Variants in IKZF3 observed in about 807,000 individuals in gnomAD.
IKZF3 encodes zinc finger protein Aiolos.
In IKZF3, 10 loss-of-function variants were observed where a neutral mutation model predicts 49.0. That is an observed-to-expected ratio of 0.20 (90% confidence interval 0.13 to 0.35). The LOEUF (loss-of-function observed/expected upper bound fraction) is 0.35. IKZF3 is among the 10% of genes least tolerant of loss of function. The probability of loss-of-function intolerance (pLI) is 1.00; values close to 1 mark genes in which losing one functional copy is unlikely to be tolerated. For synonymous variants in IKZF3, 209 were observed against 228.2 expected (o/e 0.92, Z 0.76); for missense variants, 498 against 664.8 (o/e 0.75, Z 2.76).
intron 6 of IKZF3, among the ~76,000 whole-genome samples, chr17:39,779,601 T>G (rs1448336974): frequency 6.6e-6 from 1 of 152,086 alleles, no homozygotes; most frequent in Non-Finnish European, 1.5e-5. Flanking sequence ...GACAGTAAAT[T>G]TTAAAAATTT....
chr17:39,804,319 G>A (rs1006685980), intron 3 of IKZF3, among the ~76,000 whole-genome samples: 1 of 151,878 alleles, frequency 6.6e-6, no homozygotes, highest in Non-Finnish European at 1.5e-5. Flanking sequence ...ATAGTGGCAC[G>A]CGCCTGTAAT....
intron 1 of IKZF3, among the ~76,000 whole-genome samples, chr17:39,834,727 G>A (rs1015391144): frequency 6.6e-6 from 1 of 152,076 alleles, no homozygotes; most frequent in Non-Finnish European, 1.5e-5. Context: ...GTTTTGCTTT[G>A]CAGATCTGGC....
Position 39,792,681 on chromosome 17 carries a change from C to G in IKZF3, c.416G>C (p.Ser139Thr). Reference protein sequence around the residue: ...SFNVLMVHKRSHTGERPFQCN... With the variant: ...SFNVLMVHKRTHTGERPFQCN... ...AAAAGCAGACTATTTACCAGTATGG[C>G]TTCGCTTATGAACCATTAAGACATT... Residue 139 changes from serine (S) to threonine (T), a missense_variant, in exon 4 of 8, where the codon AGC becomes ACC. Around this residue, in one of 3 missense-constraint regions of IKZF3, gnomAD observed 84 missense variants for 168.6 expected, o/e 0.50. Coordinates refer to ENST00000346872, the MANE Select transcript of IKZF3 (RefSeq NM_012481.5). The G allele has an allele frequency of 1.9e-6, 3 of 1,613,692 alleles. No individual in the cohort carries two copies. The highest frequency in any genetic ancestry group is 2.5e-6 in the Non-Finnish European group (3 of 1,179,730).
chr17:39,774,870 A>G (rs925243646), intron 7 of IKZF3, among the ~76,000 whole-genome samples: 3 of 152,268 alleles, frequency 2.0e-5, no homozygotes, highest in East Asian at 1.9e-4. Context: ...AACCTAGGAT[A>G]TGGTTTATAG....
At chr17:39,817,929 A>G (rs577846151) in intron 3 of IKZF3, among the ~76,000 whole-genome samples, 48 of 152,296 alleles carry the variant, frequency 3.2e-4, no homozygotes, top group Non-Finnish European at 5.7e-4. Context: ...ATACAGTCAC[A>G]TGCTCCTTAA....
intron 5 of IKZF3, among the ~76,000 whole-genome samples, chr17:39,788,963 G>A (rs2060940878): frequency 6.6e-6 from 1 of 151,964 alleles, no homozygotes; most frequent in Non-Finnish European, 1.5e-5. Context: ...TTTGAGACAG[G>A]GTCTCACTCT....
chr17:39,852,988 A>G (rs1287875996), intron 1 of IKZF3, among the ~76,000 whole-genome samples: 1 of 152,014 alleles, frequency 6.6e-6, no homozygotes, highest in Non-Finnish European at 1.5e-5. Flanking sequence ...ACAAAATATC[A>G]TCCATGTGCT....
At chr17:39,810,616 CA>C (rs36003163) in intron 3 of IKZF3, among the ~76,000 whole-genome samples, 1,850 of 79,300 alleles carry the variant, frequency 0.023, 14 homozygotes, top group Middle Eastern at 0.078. Flanking sequence ...GTATCTGCAG[CA>C]AAAAAAAAAA....
At chr17:39,826,816 T>C (rs1236534467) in intron 3 of IKZF3, among the ~76,000 whole-genome samples, 1 of 152,158 alleles carries the variant, frequency 6.6e-6, no homozygotes, top group African/African-American at 2.4e-5. Flanking sequence ...AATTTGGACA[T>C]ATTTCCCTTG....
At position 39,764,454 on chromosome 17, in the gene IKZF3, G is replaced by A. The variant is rs1206815389; in HGVS notation, c.*1336C>T. On this transcript the variant is annotated 3_prime_UTR_variant, in exon 8 of 8. Coordinates refer to ENST00000346872, the MANE Select transcript of IKZF3 (RefSeq NM_012481.5). Reference sequence around the variant, plus strand: ...CACTCCAGCCTGGGCAACAGAGTGAGATCCTGTCTCAAAAAAAAAAAAAAA... The same window carrying A: ...CACTCCAGCCTGGGCAACAGAGTGAAATCCTGTCTCAAAAAAAAAAAAAAA... 7.5e-6 allele frequency: 1 copy of A among 133,442 alleles called. No homozygotes were observed. Among genetic ancestry groups the A allele is most frequent in the Non-Finnish European group, 1.5e-5 (1 of 65,046 alleles). 8.3% of individuals were successfully genotyped at this position (133,442 alleles called of 1,614,324 possible). A position where few individuals can be genotyped will look rare whatever the true frequency, so the allele number is the denominator to read the frequency against.
intron 5 of IKZF3, among the ~76,000 whole-genome samples, chr17:39,789,528 ATCC>A (rs1214582078): frequency 6.6e-6 from 1 of 152,134 alleles, no homozygotes; most frequent in Non-Finnish European, 1.5e-5. Flanking sequence ...GCACCACTGC[ATCC>A]CAGCCTGGGC....
intron 6 of IKZF3, among the ~76,000 whole-genome samples, chr17:39,779,078 A>T (rs1191791827): frequency 6.6e-6 from 1 of 152,250 alleles, no homozygotes; most frequent in Non-Finnish European, 1.5e-5. Context: ...GAGTATATAA[A>T]TAGTGGCAAT....
chr17:39,776,832 G>A (rs1320942160), intron 7 of IKZF3, among the ~76,000 whole-genome samples: 1 of 152,166 alleles, frequency 6.6e-6, no homozygotes, highest in East Asian at 1.9e-4. Flanking sequence ...GGCTGAGACA[G>A]GTTTCTAAAA....
chr17:39,768,403 G>A (rs2060349430), intron 7 of IKZF3, among the ~76,000 whole-genome samples: 1 of 152,222 alleles, frequency 6.6e-6, no homozygotes, highest in Non-Finnish European at 1.5e-5. Context: ...CGGGACGTGT[G>A]CAGAAAGCGA....
At chr17:39,838,227 C>T (rs1439802494) in intron 1 of IKZF3, among the ~76,000 whole-genome samples, 3 of 152,162 alleles carry the variant, frequency 2.0e-5, no homozygotes, top group South Asian at 2.1e-4. Context: ...CCTTTTCCTT[C>T]TATAAGTTCA....
rs2060268003 is a variant in IKZF3 at position 39,765,559 on chromosome 17, T to C, written c.*231A>G. ...TTTTTGGCTTTTAAATTCCATAAAA[T>C]TCAAGTCCCTGATGGGAAAACAAAG... On this transcript the variant is annotated 3_prime_UTR_variant, in exon 8 of 8. Coordinates refer to ENST00000346872, the MANE Select transcript of IKZF3 (RefSeq NM_012481.5). 2.1e-6 allele frequency: 1 copy of C among 468,796 alleles called. No homozygotes were observed. The highest frequency in any genetic ancestry group is 3.8e-5 in the Admixed American group (1 of 26,598). The allele number at this position is 468,796 out of a possible 1,614,324, so 29.0% of individuals were successfully genotyped here. A position where few individuals can be genotyped will look rare whatever the true frequency, so the allele number is the denominator to read the frequency against.
At chr17:39,783,367 G>T (rs562914205) in intron 6 of IKZF3, among the ~76,000 whole-genome samples, 54 of 152,278 alleles carry the variant, frequency 3.5e-4, no homozygotes, top group Admixed American at 1.9e-3. Flanking sequence ...TGTTGCCTAG[G>T]CTGGAGTGCA....
rs191815047 is a variant in IKZF3 at position 39,819,806 on chromosome 17, A to G, written c.163+9581T>C. On this transcript the variant is annotated intron_variant, in intron 3 of 7. Transcript: ENST00000346872. The stretch of plus-strand genomic sequence containing the variant: ...CACCTCAGCCTCCCAAGTAGCTGGG[A>G]CTACAGGCACACACAAAGCTAATTA... 4.8e-3 allele frequency among the ~76,000 whole-genome samples: 729 copies of G among 152,222 alleles called. 4 individuals carry two copies. The highest frequency in any genetic ancestry group is 6.2e-3 in the Non-Finnish European group (421 of 68,030).
chr17:39,781,219 A>T (rs750013630), intron 6 of IKZF3, among the ~76,000 whole-genome samples: 1 of 152,176 alleles, frequency 6.6e-6, no homozygotes, highest in African/African-American at 2.4e-5. Flanking sequence ...CCACCACCAG[A>T]TGTGGCACTA....
Sources: gnomAD v4.1 joint callset for allele counts (sites outside exome capture counted in the v4.1 genomes callset) on GRCh38, gnomAD v4.1.1 for gene constraint, gnomAD v4.1.1 regional missense constraint, MANE v1.5 for transcripts, NCBI Gene and HGNC (gene_info 2026-07-23, HGNC 2026-07-21) for gene names.